Variants in TAFA1 observed in about 807,000 individuals in gnomAD.
TAFA1 encodes TAFA chemokine like family member 1.
Under a neutral mutation model 18.5 loss-of-function variants are expected in TAFA1, and 4 were observed. That is an observed-to-expected ratio of 0.22 (90% CI 0.11 to 0.49). TAFA1 has a LOEUF of 0.49. Among genes scored for constraint, TAFA1 ranks in the 20% least tolerant of loss-of-function variants. The probability of loss-of-function intolerance (pLI) is 0.98; values close to 1 mark genes in which losing one functional copy is unlikely to be tolerated. For missense variants in TAFA1, 147 were observed against 169.0 expected (o/e 0.87, Z 0.72); for synonymous variants, 56 against 55.2 (o/e 1.01, Z -0.06).
chr3:68,014,224 G>T (rs531610502), intron 2 of TAFA1, among the ~76,000 whole-genome samples: 9 of 152,262 alleles, frequency 5.9e-5, no homozygotes, highest in South Asian at 2.1e-4. Flanking sequence ...TAATACACAG[G>T]CAGGGGGTAA....
At chr3:68,181,497 T>A (rs994436561) in intron 2 of TAFA1, among the ~76,000 whole-genome samples, 1 of 152,148 alleles carries the variant, frequency 6.6e-6, no homozygotes, top group East Asian at 1.9e-4. Flanking sequence ...AACTATGAAG[T>A]AAATTCAGGG....
chr3:68,162,643 A>G (rs548890610), intron 2 of TAFA1, among the ~76,000 whole-genome samples: 4 of 152,232 alleles, frequency 2.6e-5, no homozygotes, highest in African/African-American at 9.6e-5. Context: ...CTTTATTTTG[A>G]CTATTAAAGT....
chr3:68,488,615 C>T (rs2106675348), intron 3 of TAFA1, among the ~76,000 whole-genome samples: 1 of 152,212 alleles, frequency 6.6e-6, no homozygotes, highest in East Asian at 1.9e-4. Context: ...CCTCAAATTC[C>T]CTAGGCTTCA....
intron 2 of TAFA1, among the ~76,000 whole-genome samples, chr3:68,177,193 C>T (rs903475249): frequency 6.6e-5 from 10 of 152,154 alleles, no homozygotes; most frequent in African/African-American, 2.2e-4. Context: ...AAGTAGGACG[C>T]AGAGAATTCC....
intron 2 of TAFA1, among the ~76,000 whole-genome samples, chr3:68,284,628 C>A (rs2067962487): frequency 6.6e-6 from 1 of 151,964 alleles, no homozygotes. Context: ...GAAAACTGCC[C>A]AGCAATAAAA....
chr3:68,346,181 G>T (rs2069161203), intron 2 of TAFA1, among the ~76,000 whole-genome samples: 1 of 152,072 alleles, frequency 6.6e-6, no homozygotes, highest in Non-Finnish European at 1.5e-5. Context: ...TTTTGAAACA[G>T]GGTTTTACTT....
rs2065720817 is a variant in TAFA1 at position 68,145,082 on chromosome 3, G to T, written c.118+138338G>T. The T allele has an allele frequency of 2.0e-6, 3 of 1,493,732 alleles. No individual in the cohort carries two copies. The Admixed American group carries it at 5.0e-5, about 25-fold the overall frequency. 92.5% of individuals were successfully genotyped at this position (1,493,732 alleles called of 1,614,324 possible). A position where few individuals can be genotyped will look rare whatever the true frequency, so the allele number is the denominator to read the frequency against. On this transcript the variant is annotated intron_variant, in intron 2 of 4. Coordinates refer to ENST00000478136, the MANE Select transcript of TAFA1 (RefSeq NM_213609.4). ...TCAGTGCGAGAACCAGGAGCTCGAGGCCCCTGGAGGAATTGCTACACCCCC... is the reference window on the plus strand; with the variant it reads ...TCAGTGCGAGAACCAGGAGCTCGAGTCCCCTGGAGGAATTGCTACACCCCC...
At position 68,041,925 on chromosome 3, in the gene TAFA1, GGAGTAGA is replaced by G. The variant is rs370952876; in HGVS notation, c.118+35184_118+35190del. Among the ~76,000 whole-genome samples the G allele has an allele frequency of 3.9e-3, 599 of 152,242 alleles. 6 individuals carry two copies. Among genetic ancestry groups the G allele is most frequent in the African/African-American group, 0.014 (574 of 41,548 alleles). ...ACCATGGCTTGAAAATCATGGACCT[GGAGTAGA>G]GATTGCAAACATATCTTACAAAGAG... On this transcript the variant is annotated intron_variant, in intron 2 of 4. Coordinates refer to ENST00000478136, the MANE Select transcript of TAFA1 (RefSeq NM_213609.4).
At chr3:68,100,837 T>C (rs1360101142) in intron 2 of TAFA1, among the ~76,000 whole-genome samples, 10 of 152,042 alleles carry the variant, frequency 6.6e-5, no homozygotes, top group Admixed American at 6.6e-4. Flanking sequence ...AAGATACCCA[T>C]TACGATAGCA....
At chr3:68,222,654 G>T (rs936098204) in intron 2 of TAFA1, among the ~76,000 whole-genome samples, 1 of 151,816 alleles carries the variant, frequency 6.6e-6, no homozygotes, top group Non-Finnish European at 1.5e-5. Flanking sequence ...TTTTGGGGAG[G>T]GTGGAGAGTA....
At chr3:68,068,838 T>G (rs971445921) in intron 2 of TAFA1, among the ~76,000 whole-genome samples, 3 of 152,192 alleles carry the variant, frequency 2.0e-5, no homozygotes, top group African/African-American at 4.8e-5. Flanking sequence ...GGGGCTAACA[T>G]TTTGGAGCAC....
chr3:68,177,801 C>A (rs1323696145), intron 2 of TAFA1, among the ~76,000 whole-genome samples: 1 of 152,136 alleles, frequency 6.6e-6, no homozygotes, highest in African/African-American at 2.4e-5. Flanking sequence ...TCCTTCTAAA[C>A]TCTGATGGTA....
chr3:68,331,832 G>A (rs1040239572), intron 2 of TAFA1, among the ~76,000 whole-genome samples: 115 of 149,762 alleles, frequency 7.7e-4, no homozygotes, highest in African/African-American at 2.8e-3. Flanking sequence ...AATGAACAAT[G>A]GGTAAAGGAT....
chr3:68,477,437 C>A (rs908952311), intron 3 of TAFA1, among the ~76,000 whole-genome samples: 15 of 152,084 alleles, frequency 9.9e-5, no homozygotes, highest in Admixed American at 3.3e-4. Context: ...TGCAGTGGTG[C>A]AATCTCAGCT....
chr3:68,275,963 C>G (rs552763283), intron 2 of TAFA1, among the ~76,000 whole-genome samples: 2 of 152,140 alleles, frequency 1.3e-5, no homozygotes, highest in East Asian at 1.9e-4. Flanking sequence ...CCATGTCTTC[C>G]CACTTATTTC....
intron 3 of TAFA1, among the ~76,000 whole-genome samples, chr3:68,529,518 T>C (rs1240329227): frequency 6.6e-6 from 1 of 151,296 alleles, no homozygotes; most frequent in Non-Finnish European, 1.5e-5. Context: ...TAAGCCTTTG[T>C]CTTAGTCTGC....
intron 2 of TAFA1, among the ~76,000 whole-genome samples, chr3:68,293,780 T>C (rs1388289716): frequency 1.3e-5 from 2 of 152,156 alleles, no homozygotes; most frequent in Non-Finnish European, 2.9e-5. Flanking sequence ...TGGGGGAAAT[T>C]GAAGAGCAAT....
At chr3:68,105,527 A>C (rs1033443125) in intron 2 of TAFA1, among the ~76,000 whole-genome samples, 6 of 152,188 alleles carry the variant, frequency 3.9e-5, no homozygotes, top group African/African-American at 1.4e-4. Flanking sequence ...AAATTGACCA[A>C]ATAAAGCAAA....
intron 2 of TAFA1, among the ~76,000 whole-genome samples, chr3:68,215,365 T>A (rs948818734): frequency 1.3e-5 from 2 of 152,038 alleles, no homozygotes; most frequent in African/African-American, 4.8e-5. Flanking sequence ...CACGTCCCAA[T>A]TTTTCCATCT....
Sources: allele counts gnomAD v4.1 joint callset (sites outside exome capture counted in the v4.1 genomes callset), GRCh38; gene constraint gnomAD v4.1.1; transcripts MANE v1.5; gene names NCBI Gene and HGNC (gene_info 2026-07-23, HGNC 2026-07-21).